WDR64: variants seen among roughly 807,000 people sequenced by gnomAD.
WDR64 encodes the protein WD repeat domain 64, also known as WD repeat-containing protein 64.
Under a neutral mutation model 139.3 loss-of-function variants are expected in WDR64, and 112 were observed. The ratio of observed to expected loss-of-function variants is 0.80; its 90% CI spans 0.69 to 0.94. WDR64 has a LOEUF of 0.94. Ranked by LOEUF, WDR64 falls within the 40% of genes least tolerant of loss-of-function variation. The pLI is 0.00. For missense variants in WDR64, 1,206 were observed against 1,293.1 expected (o/e 0.93, Z 1.03); for synonymous variants, 444 against 437.7 (o/e 1.01, Z -0.18).
At chr1:241,677,213 G>C (rs1666589453) in intron 4 of WDR64, 1 of 396,820 alleles carries the variant, frequency 2.5e-6, no homozygotes, top group East Asian at 3.6e-5. Context: ...TTTTAAAGAA[G>C]CTGAGAGGAC....
At chr1:241,749,802 T>C (rs1317343809) in intron 14 of WDR64, 80 bp downstream of exon 14, 8 of 1,452,368 alleles carry the variant, frequency 5.5e-6, no homozygotes, top group South Asian at 2.5e-5. Context: ...ATCCCCACCA[T>C]GTAACCCCGC....
chr1:241,746,525 T>TAA lies in WDR64; in HGVS notation c.1594+2018_1594+2019dup, dbSNP rs111783354. 6.0e-3 allele frequency among the ~76,000 whole-genome samples: 882 copies of TAA among 147,676 alleles called. 13 individuals are homozygous for TAA. Among genetic ancestry groups the TAA allele is most frequent in the African/African-American group, 0.021 (851 of 40,382 alleles). On this transcript the variant is annotated intron_variant, in intron 13 of 27. Coordinates refer to ENST00000437684, the MANE Select transcript of WDR64 (RefSeq NM_001367482.1). Reference sequence around the variant, plus strand: ...GAATACCATAGAGTGGGTGGTGTTTTAAAAAAAAAAGTTTATAGCAGATTT... The same window carrying TAA: ...GAATACCATAGAGTGGGTGGTGTTTTAAAAAAAAAAAAGTTTATAGCAGATTT...
chr1:241,778,154 C>A (rs907864280), intron 21 of WDR64, among the ~76,000 whole-genome samples: 1 of 152,098 alleles, frequency 6.6e-6, no homozygotes, highest in Non-Finnish European at 1.5e-5. Context: ...TTTCAACTTG[C>A]TGTCCTATAA....
chr1:241,735,088 C>T (rs1167283406), intron 10 of WDR64, among the ~76,000 whole-genome samples: 1 of 152,114 alleles, frequency 6.6e-6, no homozygotes, highest in Non-Finnish European at 1.5e-5. Context: ...GTTTTTACAG[C>T]ATTAGTGCAA....
chr1:241,746,043 T>A (rs1669744299), intron 13 of WDR64, among the ~76,000 whole-genome samples: 2 of 152,116 alleles, frequency 1.3e-5, no homozygotes, highest in Non-Finnish European at 2.9e-5. Context: ...TGCCACAGAG[T>A]CCTTGAGGGT....
intron 2 of WDR64, among the ~76,000 whole-genome samples, chr1:241,667,232 T>C (rs1666055398): frequency 6.6e-6 from 1 of 152,212 alleles, no homozygotes; most frequent in Non-Finnish European, 1.5e-5. Context: ...CATTACACAT[T>C]CTCTGAAAAT....
At chr1:241,775,332 A>G in intron 21 of WDR64, 122 bp downstream of exon 21, 2 of 670,762 alleles carry the variant, frequency 3.0e-6, no homozygotes, top group Non-Finnish European at 4.8e-6. Context: ...AGGTATGCTC[A>G]AGCCTGAGAA....
chr1:241,707,033 T>C (rs1292365205), intron 8 of WDR64, among the ~76,000 whole-genome samples: 3 of 152,110 alleles, frequency 2.0e-5, no homozygotes, highest in Non-Finnish European at 4.4e-5. Context: ...CTCCCCCTTT[T>C]CACAGGCATG....
In WDR64 at chr1:241,674,637, T is replaced by C; in HGVS notation, c.380-7T>C. 6.5e-7 allele frequency: 1 copy of C among 1,528,562 alleles called. No individual in the cohort carries two copies. The highest frequency in any genetic ancestry group is 8.9e-7 in the Non-Finnish European group (1 of 1,128,598). 94.7% of individuals were successfully genotyped at this position (1,528,562 alleles called of 1,614,324 possible). On this transcript the variant is annotated splice_polypyrimidine_tract_variant and splice_region_variant and intron_variant, in intron 3 of 27. Coordinates refer to ENST00000437684, the MANE Select transcript of WDR64 (RefSeq NM_001367482.1). The stretch of plus-strand genomic sequence containing the variant: ...GAAAGTTGAAATGAATATTATGCTG[T>C]TGACAGGTAGTAGAAGACGAGATGT...
intron 14 of WDR64, among the ~76,000 whole-genome samples, chr1:241,753,561 G>A (rs532602627): frequency 7.9e-5 from 12 of 151,958 alleles, no homozygotes; most frequent in Admixed American, 2.0e-4. Flanking sequence ...AAAATTAGCC[G>A]GGTGTAGTGG....
chr1:241,677,600 A>C (rs1409994273), intron 4 of WDR64, among the ~76,000 whole-genome samples: 1 of 152,192 alleles, frequency 6.6e-6, no homozygotes, highest in Non-Finnish European at 1.5e-5. Context: ...GGCTGCTCAT[A>C]TATACAGTAG....
chr1:241,744,830 G>A (rs1669690940), intron 13 of WDR64, among the ~76,000 whole-genome samples: 1 of 152,092 alleles, frequency 6.6e-6, no homozygotes, highest in African/African-American at 2.4e-5. Context: ...TTCCACTTTT[G>A]GGTACCATCA....
At chr1:241,782,451 C>G (rs945710435) in intron 22 of WDR64, among the ~76,000 whole-genome samples, 3 of 152,184 alleles carry the variant, frequency 2.0e-5, no homozygotes, top group African/African-American at 7.2e-5. Flanking sequence ...ACTGCCAGGA[C>G]TGTCATCACA....
intron 8 of WDR64, among the ~76,000 whole-genome samples, chr1:241,697,130 A>G (rs1048726977): frequency 1.3e-5 from 2 of 152,160 alleles, no homozygotes; most frequent in African/African-American, 4.8e-5. Flanking sequence ...CCCTTCTGTT[A>G]GCAGAGCCCT....
chr1:241,726,578 A>C (rs58655123), intron 10 of WDR64, among the ~76,000 whole-genome samples: 5,007 of 152,188 alleles, frequency 0.033, 291 homozygotes, highest in African/African-American at 0.11. Context: ...AAGAGGAAAA[A>C]AAGGCTTTGA....
chr1:241,654,978 AATCT>A (rs1208790278), intron 1 of WDR64, among the ~76,000 whole-genome samples: 6 of 152,318 alleles, frequency 3.9e-5, no homozygotes, highest in Non-Finnish European at 7.4e-5. Context: ...AAAAATCCAT[AATCT>A]GAAACACTTC....
At chr1:241,787,665 C>CA (rs58063137) in intron 23 of WDR64, among the ~76,000 whole-genome samples, 184 bp from the exon 24 acceptor site, 34,498 of 116,412 alleles carry the variant, frequency 0.3, 4,943 homozygotes, top group East Asian at 0.45. Context: ...AACTCCATCT[C>CA]AAAAAAAAAA....
At chr1:241,740,957 C>A (rs932167869) in intron 11 of WDR64, among the ~76,000 whole-genome samples, 4 of 152,202 alleles carry the variant, frequency 2.6e-5, no homozygotes, top group South Asian at 2.1e-4. Flanking sequence ...TTCTACTTTA[C>A]AGTGGTGATT....
In WDR64 at chr1:241,683,548, T is replaced by C. The variant is rs1175094346; in HGVS notation, c.686T>C (p.Leu229Ser). ...CTCCTGTGTGTGTGTGTGGTGCCTT[T>C]GCCTGACCATCTCTGCCGAGATGAC... ...HCLLCVCVVP[L>S]PDHLCRDDIL... The change falls in exon 7 of 28, where the codon TTG becomes TCG. Residue 229 changes from leucine to serine, a missense_variant. By Grantham distance (145) the Leu-to-Ser change is moderately radical (BLOSUM62 -2). Transcript: ENST00000437684. 3 of 1,551,726 alleles carry C rather than the reference T, an allele frequency of 1.9e-6. No individual in the cohort carries two copies. Among genetic ancestry groups the C allele is most frequent in the Non-Finnish European group, 2.6e-6 (3 of 1,147,034 alleles).
Sources: allele counts gnomAD v4.1 joint callset (sites outside exome capture counted in the v4.1 genomes callset), GRCh38; gene constraint gnomAD v4.1.1; transcripts MANE v1.5; gene names NCBI Gene and HGNC (gene_info 2026-07-23, HGNC 2026-07-21).